Variants in AP2M1 observed in about 807,000 individuals in gnomAD.
The protein encoded by AP2M1 is adaptor related protein complex 2 subunit mu 1.
Under a neutral mutation model 54.5 loss-of-function variants are expected in AP2M1, and 5 were observed. The observed-to-expected ratio is 0.09, with a 90% CI of 0.05 to 0.19. The LOEUF (loss-of-function observed/expected upper bound fraction) is 0.19, where lower values mean the gene tolerates loss of function less well. AP2M1 is among the 10% of genes least tolerant of loss of function. The pLI, the probability that AP2M1 is intolerant of heterozygous loss-of-function variation, is 1.00. For synonymous variants in AP2M1, 186 were observed against 208.2 expected, an observed-to-expected ratio of 0.89 and a Z score of 0.92; for missense variants, 178 against 580.2, an observed-to-expected ratio of 0.31 and a Z score of 7.12.
chr3:184,178,332 G>A lies in AP2M1; in HGVS notation c.75-525G>A. ...TCAACTTGCTCTGGAGTTGGATCCT[G>A]GGCAAGAATGGGTAGCACAATTCCA... On this transcript the variant is annotated intron_variant, in intron 2 of 11. Coordinates refer to ENST00000292807, the MANE Select transcript of AP2M1 (RefSeq NM_004068.4). This position sits in a 1 kb window ranked among gnomAD's most constrained non-coding sequence, Gnocchi z 4.9. The A allele has an allele frequency of 2.2e-6, 3 of 1,341,268 alleles. No homozygotes were observed. The highest frequency in any genetic ancestry group is 2.1e-6 in the Non-Finnish European group (2 of 969,382). The allele number at this position is 1,341,268 out of a possible 1,614,324, so 83.1% of individuals were successfully genotyped here.
chr3:184,177,421 C>T (rs140581078), intron 2 of AP2M1: 9 of 908,288 alleles, frequency 9.9e-6, no homozygotes, highest in East Asian at 2.7e-5. Context: ...TTAGTGGCCA[C>T]GCTGGAGGCA....
intron 3 of AP2M1, chr3:184,179,936 C>G (rs944549816): frequency 1.8e-6 from 1 of 561,778 alleles, no homozygotes; most frequent in Non-Finnish European, 3.2e-6. Context: ...GTTGGGATTA[C>G]AGGCATGAGC....
rs902011278 is a variant in AP2M1 at position 184,182,797 on chromosome 3, G to A, written c.1102G>A (p.Ala368Thr). 3 of 1,614,108 alleles carry A rather than the reference G, an allele frequency of 1.9e-6. No homozygotes were observed. Among genetic ancestry groups the A allele is most frequent in the Non-Finnish European group, 2.5e-6 (3 of 1,180,014 alleles). ...MAGMKESQISAEIELLPTNDK... is the reference protein window; with the variant it reads ...MAGMKESQISTEIELLPTNDK... ...AGGCATGAAGGAATCGCAGATCAGC[G>A]CAGAGATTGAGCTTCTGCCTACCAA... Residue 368 changes from alanine to threonine, a missense_variant, in exon 11 of 12, where the codon GCA (alanine) becomes ACA (threonine). Around this residue, in one of 5 missense-constraint regions of AP2M1, gnomAD observed 59 missense variants for 176.8 expected, o/e 0.33. Coordinates refer to ENST00000292807, the MANE Select transcript of AP2M1 (RefSeq NM_004068.4). This position sits in a 1 kb window ranked among gnomAD's most constrained non-coding sequence, Gnocchi z 5.5.
chr3:184,177,692 T>TG, intron 2 of AP2M1: 1 of 1,342,312 alleles, frequency 7.4e-7, no homozygotes, highest in South Asian at 1.3e-5. Context: ...CTCCATATCC[T>TG]GGGCCTTCAC....
In AP2M1 at chr3:184,180,565, C is replaced by T. The variant is rs1447640110; in HGVS notation, c.424-80C>T. 1 of 1,608,792 alleles carries T rather than the reference C, an allele frequency of 6.2e-7. No homozygotes were observed. The highest frequency in any genetic ancestry group is 1.3e-5 in the African/African-American group (1 of 74,784). On this transcript the variant is annotated intron_variant, in intron 4 of 11. Transcript: ENST00000292807. This position sits in a 1 kb window ranked among gnomAD's most constrained non-coding sequence, Gnocchi z 4.9. ...GAGCTTGGGCCCTCTCCTCTAGGAT[C>T]CAAGCCTCATAGCTTTCTCCTCCTT...
intron 3 of AP2M1, among the ~76,000 whole-genome samples, chr3:184,179,870 A>C (rs1322538057): frequency 6.6e-6 from 1 of 152,148 alleles, no homozygotes; most frequent in Non-Finnish European, 1.5e-5. Flanking sequence ...TATGTTGCCC[A>C]GGCTGGTCTT....
chr3:184,181,337 T>C lies in AP2M1; in HGVS notation c.707+111T>C, dbSNP rs1201735998. ...TCATTCCCACTGTAATTGCAAACTC[T>C]GTTCCTGACGGTAAGCCTGGCTGTT... is the stretch of plus-strand genomic sequence containing the variant. On this transcript the variant is annotated intron_variant, in intron 7 of 11. Coordinates refer to ENST00000292807, the MANE Select transcript of AP2M1 (RefSeq NM_004068.4). This position sits in a 1 kb window ranked among gnomAD's most constrained non-coding sequence, Gnocchi z 5.7. 3.3e-6 allele frequency: 5 copies of C among 1,497,584 alleles called. No homozygotes were observed. Among genetic ancestry groups the C allele is most frequent in the Non-Finnish European group, 9.1e-7 (1 of 1,094,120 alleles). The allele number at this position is 1,497,584 out of a possible 1,614,324, so 92.8% of individuals were successfully genotyped here. A position where few individuals can be genotyped will look rare whatever the true frequency, so the allele number is the denominator to read the frequency against.
At position 184,180,482 on chromosome 3, in the gene AP2M1, G is replaced by A; in HGVS notation, c.424-163G>A. Reference sequence around the variant, plus strand: ...AATACAGCTCAAGCAGTTTCCTTTTGCACTGAGGGGTGGGGGAGGAGGCCT... The same window carrying A: ...AATACAGCTCAAGCAGTTTCCTTTTACACTGAGGGGTGGGGGAGGAGGCCT... On this transcript the variant is annotated intron_variant, in intron 4 of 11. Coordinates refer to ENST00000292807, the MANE Select transcript of AP2M1 (RefSeq NM_004068.4). The surrounding 1 kb of genome is among the most constrained non-coding windows in gnomAD (Gnocchi z 4.9). 2 of 1,211,918 alleles carry A rather than the reference G, an allele frequency of 1.7e-6. No individual in the cohort carries two copies. Among genetic ancestry groups the A allele is most frequent in the South Asian group, 2.8e-5 (2 of 70,460 alleles). The allele number at this position is 1,211,918 out of a possible 1,614,324, so 75.1% of individuals were successfully genotyped here.
Position 184,178,792 on chromosome 3 carries a change from G to A in AP2M1, c.75-65G>A. On this transcript the variant is annotated intron_variant, in intron 2 of 11. Transcript: ENST00000292807. The surrounding 1 kb of genome is among the most constrained non-coding windows in gnomAD (Gnocchi z 4.9). ...GAGGGTGGGGCTGTTAGCAGCTGTG[G>A]TTGATCCTTATGGGGTAAGGTTCAC... 8.2e-6 allele frequency: 13 copies of A among 1,577,658 alleles called. No individual in the cohort carries two copies. The highest frequency in any genetic ancestry group is 8.1e-5 in the South Asian group (7 of 86,026).
Position 184,183,406 on chromosome 3 carries a change from G to C in AP2M1, c.1174-76G>C. ...ACACCTGTAGTAGCGATGAAGTAGGGCAGGGCAACGGGACTTCCCAGAGGA... is the reference window on the plus strand; with the variant it reads ...ACACCTGTAGTAGCGATGAAGTAGGCCAGGGCAACGGGACTTCCCAGAGGA... On this transcript the variant is annotated intron_variant, in intron 11 of 11. Transcript: ENST00000292807. The surrounding 1 kb of genome is among the most constrained non-coding windows in gnomAD (Gnocchi z 5.7). The C allele has an allele frequency of 3.1e-6, 5 of 1,592,420 alleles. No individual in the cohort carries two copies.
Position 184,181,502 on chromosome 3 carries a change from G to T in AP2M1, c.708-194G>T. 1.1e-6 allele frequency: 1 copy of T among 870,118 alleles called. No individual in the cohort carries two copies. Among genetic ancestry groups the T allele is most frequent in the Non-Finnish European group, 1.7e-6 (1 of 579,892 alleles). 53.9% of individuals were successfully genotyped at this position (870,118 alleles called of 1,614,324 possible). ...TGTGCCTGAAACACCCAGGTCCCTAGCAGAAGGAGCCCCAAGAGATGAGCT... is the reference window on the plus strand; with the variant it reads ...TGTGCCTGAAACACCCAGGTCCCTATCAGAAGGAGCCCCAAGAGATGAGCT... On this transcript the variant is annotated intron_variant, in intron 7 of 11. Coordinates refer to ENST00000292807, the MANE Select transcript of AP2M1 (RefSeq NM_004068.4). The surrounding 1 kb of genome is among the most constrained non-coding windows in gnomAD (Gnocchi z 5.7).
rs1348948973 is a variant in AP2M1, at chr3:184,182,354, T to C, written c.1061+106T>C. The C allele has an allele frequency of 1.6e-6, 2 of 1,269,810 alleles. No individual in the cohort carries two copies. Among genetic ancestry groups the C allele is most frequent in the East Asian group, 5.1e-5 (2 of 39,380 alleles). The allele number at this position is 1,269,810 out of a possible 1,614,324, so 78.7% of individuals were successfully genotyped here. A position where few individuals can be genotyped will look rare whatever the true frequency, so the allele number is the denominator to read the frequency against. ...TGAGGGGCAGGGGAGTGTGCCTGTTTGCTTTTCTAGGAGCCTCTGCTTGTA... is the reference window on the plus strand; with the variant it reads ...TGAGGGGCAGGGGAGTGTGCCTGTTCGCTTTTCTAGGAGCCTCTGCTTGTA... On this transcript the variant is annotated intron_variant, in intron 10 of 11. Coordinates refer to ENST00000292807, the MANE Select transcript of AP2M1 (RefSeq NM_004068.4). The surrounding 1 kb of genome is among the most constrained non-coding windows in gnomAD (Gnocchi z 5.5).
chr3:184,175,340 C>T (rs1024914260), intron 1 of AP2M1, among the ~76,000 whole-genome samples: 2 of 152,164 alleles, frequency 1.3e-5, no homozygotes, highest in Admixed American at 1.3e-4. Context: ...CGCCTTGCAC[C>T]GTGACAGGTC....
At chr3:184,177,089 G>T (rs1226865667) in intron 2 of AP2M1, 22 bp downstream of exon 2, 1 of 1,609,342 alleles carries the variant, frequency 6.2e-7, no homozygotes, top group South Asian at 1.1e-5. Context: ...GGCGGAGCCA[G>T]CTGTGCCCCA....
At position 184,182,994 on chromosome 3, in the gene AP2M1, A is replaced by G. The variant is rs1339217948; in HGVS notation, c.1173+126A>G. Reference sequence around the variant, plus strand: ...GGCCTAGAAAGAAGAACTGGCTTTAATTCATAGATCCATTCTTCCCCTTTC... The same window carrying G: ...GGCCTAGAAAGAAGAACTGGCTTTAGTTCATAGATCCATTCTTCCCCTTTC... On this transcript the variant is annotated intron_variant, in intron 11 of 11. Transcript: ENST00000292807. The surrounding 1 kb of genome is among the most constrained non-coding windows in gnomAD (Gnocchi z 5.5). 9 of 805,070 alleles carry G rather than the reference A, an allele frequency of 1.1e-5. No individual in the cohort carries two copies. In the East Asian group the frequency reaches 1.9e-4, roughly 17 times the overall value. The allele number at this position is 805,070 out of a possible 1,614,324, so 49.9% of individuals were successfully genotyped here.
rs1715245698 is a variant in AP2M1 at position 184,180,717 on chromosome 3, G to A, written c.429+67G>A. The stretch of plus-strand genomic sequence containing the variant: ...GTTTCTCCAGGCCCTGCCCTTTGGG[G>A]CTTATAGGGGAAAATGGATTACAGG... On this transcript the variant is annotated intron_variant, in intron 5 of 11. Transcript: ENST00000292807. This position sits in a 1 kb window ranked among gnomAD's most constrained non-coding sequence, Gnocchi z 4.9. 6.2e-7 allele frequency: 1 copy of A among 1,614,194 alleles called. No individual in the cohort carries two copies. Among genetic ancestry groups the A allele is most frequent in the East Asian group, 2.2e-5 (1 of 44,880 alleles).
rs1715301467 is a variant in AP2M1, at chr3:184,182,335, G to A, written c.1061+87G>A. 2 of 1,406,864 alleles carry A rather than the reference G, an allele frequency of 1.4e-6. No homozygotes were observed. The highest frequency in any genetic ancestry group is 2.9e-5 in the African/African-American group (2 of 69,970). 87.1% of individuals were successfully genotyped at this position (1,406,864 alleles called of 1,614,324 possible). A position where few individuals can be genotyped will look rare whatever the true frequency, so the allele number is the denominator to read the frequency against. ...CAGCTTTGATCCTTCTGAATGAGGG[G>A]CAGGGGAGTGTGCCTGTTTGCTTTT... On this transcript the variant is annotated intron_variant, in intron 10 of 11. Transcript: ENST00000292807. The surrounding 1 kb of genome is among the most constrained non-coding windows in gnomAD (Gnocchi z 5.5).
chr3:184,183,620 C>T lies in AP2M1; in HGVS notation c.*4C>T. 1 of 1,612,162 alleles carries T rather than the reference C, an allele frequency of 6.2e-7. No homozygotes were observed. The highest frequency in any genetic ancestry group is 8.5e-7 in the Non-Finnish European group (1 of 1,179,680). ...CATTTATGAAACTCGCTGCTAGCTG[C>T]CACTAGGCAGCTAGCCCACCTCCCC... On this transcript the variant is annotated 3_prime_UTR_variant, in exon 12 of 12. Coordinates refer to ENST00000292807, the MANE Select transcript of AP2M1 (RefSeq NM_004068.4). The surrounding 1 kb of genome is among the most constrained non-coding windows in gnomAD (Gnocchi z 5.7).
intron 2 of AP2M1, chr3:184,177,622 C>T: frequency 6.5e-7 from 1 of 1,535,312 alleles, no homozygotes; most frequent in Non-Finnish European, 8.7e-7. Flanking sequence ...GTGAGGCACT[C>T]TCTGGGTCAC....
Sources: allele counts gnomAD v4.1 joint callset (sites outside exome capture counted in the v4.1 genomes callset), GRCh38; gene constraint gnomAD v4.1.1; regional missense constraint gnomAD v4.1.1; non-coding constraint Gnocchi (gnomAD v3.1); transcripts MANE v1.5; gene names NCBI Gene and HGNC (gene_info 2026-07-23, HGNC 2026-07-21).